The following PALLD variants were observed in gnomAD, a reference collection of about 807,000 sequenced individuals.
PALLD encodes the protein palladin.
Under a neutral mutation model 123.5 loss-of-function variants are expected in PALLD, and 61 were observed. The observed-to-expected ratio is 0.49, with a 90% CI of 0.40 to 0.61. PALLD has a LOEUF of 0.61. Among genes scored for constraint, PALLD ranks in the 20% least tolerant of loss-of-function variants. The pLI, the probability that PALLD is intolerant of heterozygous loss-of-function variation, is 0.00. For synonymous variants in PALLD, 465 were observed against 496.4 expected, an observed-to-expected ratio of 0.94 and a Z score of 0.84; for missense variants, 1,273 against 1,377.0, an observed-to-expected ratio of 0.92 and a Z score of 1.20.
chr4:168,699,546 G>T (rs1783479114), intron 8 of PALLD, among the ~76,000 whole-genome samples: 1 of 148,190 alleles, frequency 6.7e-6, no homozygotes, highest in Non-Finnish European at 1.5e-5. Flanking sequence ...AAAAAAAACA[G>T]TTGCAAAGGA....
intron 3 of PALLD, among the ~76,000 whole-genome samples, chr4:168,670,596 G>C (rs575084765): frequency 6.6e-6 from 1 of 150,646 alleles, no homozygotes; most frequent in Non-Finnish European, 1.5e-5. Context: ...AGCCGGGCGC[G>C]GTGGCGGGCG....
chr4:168,640,422 T>A (rs1335903301), intron 2 of PALLD, among the ~76,000 whole-genome samples: 2 of 152,148 alleles, frequency 1.3e-5, no homozygotes, highest in East Asian at 3.8e-4. Context: ...TTCTGGCCCC[T>A]CAAAGCACTT....
chr4:168,558,358 T>C (rs946102662), intron 2 of PALLD, among the ~76,000 whole-genome samples: 1 of 152,188 alleles, frequency 6.6e-6, no homozygotes, highest in African/African-American at 2.4e-5. Context: ...ACTTTACCTT[T>C]CTCAGGCAGG....
At chr4:168,563,450 C>T (rs1768061671) in intron 2 of PALLD, among the ~76,000 whole-genome samples, 1 of 152,212 alleles carries the variant, frequency 6.6e-6, no homozygotes, top group African/African-American at 2.4e-5. Flanking sequence ...ATCACTCCAT[C>T]TCCATGATTA....
chr4:168,665,588 T>A (rs1779566603), intron 2 of PALLD, among the ~76,000 whole-genome samples: 1 of 152,136 alleles, frequency 6.6e-6, no homozygotes, highest in South Asian at 2.1e-4. Context: ...AAATGGTTGC[T>A]ATGTGAAACA....
chr4:168,561,249 C>A (rs959811620), intron 2 of PALLD, among the ~76,000 whole-genome samples: 17 of 151,840 alleles, frequency 1.1e-4, no homozygotes, highest in African/African-American at 3.4e-4. Flanking sequence ...AGCAGACGAC[C>A]AATTTTCTTT....
intron 2 of PALLD, among the ~76,000 whole-genome samples, chr4:168,526,443 T>C (rs1032816743): frequency 6.6e-6 from 1 of 152,060 alleles, no homozygotes; most frequent in Non-Finnish European, 1.5e-5. Context: ...CAAATTATGA[T>C]CCAAAAAGAA....
chr4:168,618,938 G>A (rs1774481217), intron 2 of PALLD, among the ~76,000 whole-genome samples: 1 of 152,190 alleles, frequency 6.6e-6, no homozygotes, highest in South Asian at 2.1e-4. Flanking sequence ...GCTTCTAGAA[G>A]GCAGTGATAA....
In PALLD at chr4:168,890,913, A is replaced by G. The variant is rs776747770; in HGVS notation, c.1965-9A>G. On this transcript the variant is annotated splice_polypyrimidine_tract_variant and intron_variant, in intron 10 of 21. Coordinates refer to ENST00000505667, the MANE Select transcript of PALLD (RefSeq NM_001166108.2). ...ACTAACTATACTGCCTTGTGTTTTT[A>G]TCCTGCAGAGGATTTCCAAAGAAGG... 3.1e-6 allele frequency: 5 copies of G among 1,613,978 alleles called. No homozygotes were observed. The highest frequency in any genetic ancestry group is 4.2e-6 in the Non-Finnish European group (5 of 1,179,890).
rs547504418 is a variant in PALLD, at chr4:168,571,773, A to C, written c.908+59361A>C. ...CAACTGCTTATTGAGTAGACTACTA[A>C]GCCAAAGAATCTTAAAGCTTTCTCT... On this transcript the variant is annotated intron_variant, in intron 2 of 21. Coordinates refer to ENST00000505667, the MANE Select transcript of PALLD (RefSeq NM_001166108.2). 4.7e-4 allele frequency among the ~76,000 whole-genome samples: 72 copies of C among 152,296 alleles called. No homozygotes were observed. In the East Asian group the frequency reaches 0.01, roughly 21 times the overall value.
chr4:168,758,489 A>G (rs1183596139), intron 10 of PALLD, among the ~76,000 whole-genome samples: 1 of 152,158 alleles, frequency 6.6e-6, no homozygotes, highest in Non-Finnish European at 1.5e-5. Context: ...CCCACGTTGC[A>G]TTCAGAAGGC....
At chr4:168,730,358 A>G (rs376153459) in intron 10 of PALLD, among the ~76,000 whole-genome samples, 2 of 152,234 alleles carry the variant, frequency 1.3e-5, no homozygotes, top group African/African-American at 4.8e-5. Flanking sequence ...CATGGATGCA[A>G]TCGTGTCCTT....
chr4:168,631,567 G>A, intron 2 of PALLD: 2 of 980,052 alleles, frequency 2.0e-6, no homozygotes, highest in Non-Finnish European at 2.4e-6. Context: ...CCAGCAGCCC[G>A]GCACTCCGAC....
chr4:168,526,919 C>A (rs576957629), intron 2 of PALLD, among the ~76,000 whole-genome samples: 1 of 152,086 alleles, frequency 6.6e-6, no homozygotes, highest in Admixed American at 6.5e-5. Flanking sequence ...GAAACAGTTC[C>A]AAGAAGCAAT....
intron 2 of PALLD, among the ~76,000 whole-genome samples, chr4:168,649,886 A>G (rs894808209): frequency 6.6e-6 from 1 of 152,220 alleles, no homozygotes; most frequent in African/African-American, 2.4e-5. Context: ...TAAGTTTAAA[A>G]TATATAAAGT....
chr4:168,565,816 C>T (rs1392878411), intron 2 of PALLD, among the ~76,000 whole-genome samples: 1 of 152,062 alleles, frequency 6.6e-6, no homozygotes, highest in African/African-American at 2.4e-5. Flanking sequence ...GTAAAGCTGT[C>T]ATAATTGAAA....
intron 2 of PALLD, among the ~76,000 whole-genome samples, chr4:168,597,309 A>T (rs536177144): frequency 6.0e-4 from 91 of 152,252 alleles, no homozygotes; most frequent in African/African-American, 1.8e-3. Context: ...AGGCACTCTC[A>T]TAAATTCAGG....
intron 10 of PALLD, among the ~76,000 whole-genome samples, chr4:168,811,774 T>TCACACACACACACACACACACACACA (rs879411684): frequency 9.1e-6 from 1 of 109,384 alleles, no homozygotes; most frequent in Non-Finnish European, 2.1e-5. Flanking sequence ...TCTCTCTCTC[T>TCACACACACACACACACACACACACA]CTCACACACA....
intron 3 of PALLD, among the ~76,000 whole-genome samples, chr4:168,672,530 C>T (rs1163803346): frequency 6.6e-6 from 1 of 151,916 alleles, no homozygotes; most frequent in Non-Finnish European, 1.5e-5. Flanking sequence ...GCGATCTTGG[C>T]TCACTGCAAG....
Sources: allele counts gnomAD v4.1 joint callset (sites outside exome capture counted in the v4.1 genomes callset), GRCh38; gene constraint gnomAD v4.1.1; transcripts MANE v1.5; gene names NCBI Gene and HGNC (gene_info 2026-07-23, HGNC 2026-07-21).